The following NALF1 variants were observed in gnomAD, a reference collection of about 807,000 sequenced individuals.
NALF1 encodes the protein family with sequence similarity 155 member A.
NALF1 carries 3 observed loss-of-function variants against 48.4 expected under a neutral mutation model. The observed-to-expected ratio is 0.06, with a 90% CI of 0.03 to 0.16. The LOEUF (loss-of-function observed/expected upper bound fraction) is 0.16, where lower values mean the gene tolerates loss of function less well. Among genes scored for constraint, NALF1 ranks in the 10% least tolerant of loss-of-function variants. The pLI is 1.00. For missense variants in NALF1, 526 were observed against 571.5 expected (o/e 0.92, Z 0.81); for synonymous variants, 262 against 245.7 (o/e 1.07, Z -0.62).
chr13:107,741,411 A>C (rs979013141), intron 1 of NALF1, among the ~76,000 whole-genome samples: 2 of 152,226 alleles, frequency 1.3e-5, no homozygotes, highest in African/African-American at 4.8e-5. Context: ...AAGATATATA[A>C]AGGATAAATG....
intron 1 of NALF1, among the ~76,000 whole-genome samples, chr13:107,418,649 C>A (rs932414828): frequency 6.6e-6 from 1 of 151,962 alleles, no homozygotes; most frequent in Admixed American, 6.6e-5. Flanking sequence ...GATCTCATTG[C>A]CCAGGTAATG....
intron 1 of NALF1, among the ~76,000 whole-genome samples, chr13:107,285,069 C>A (rs1157482446): frequency 1.3e-5 from 2 of 152,100 alleles, no homozygotes; most frequent in African/African-American, 4.8e-5. Context: ...AGCATAGATT[C>A]AATGATTAGG....
chr13:107,864,651 T>C (rs1173377684), intron 1 of NALF1, among the ~76,000 whole-genome samples: 6 of 152,218 alleles, frequency 3.9e-5, no homozygotes, highest in Non-Finnish European at 8.8e-5. Flanking sequence ...CTTATAGAGA[T>C]ACTGTCATTA....
chr13:107,525,375 C>T lies in NALF1; in HGVS notation c.916-314620G>A, dbSNP rs553212788. Among the ~76,000 whole-genome samples, 3 of 152,206 alleles carry T rather than the reference C, an allele frequency of 2.0e-5. No individual in the cohort carries two copies. The East Asian group carries it at 5.8e-4, about 29-fold the overall frequency. On this transcript the variant is annotated intron_variant, in intron 1 of 2. Transcript: ENST00000375915. ...GAAGTGGAGTCATGCAGTTTGTAAC[C>T]TTTTCAGAATGACTTCTTTCACTCA...
chr13:107,556,348 T>TAGAG (rs1322722668), intron 1 of NALF1, among the ~76,000 whole-genome samples: 10 of 147,558 alleles, frequency 6.8e-5, no homozygotes, highest in African/African-American at 1.7e-4. Flanking sequence ...CATATATATA[T>TAGAG]ATAGAGAGAG....
chr13:107,788,836 G>C (rs557532052), intron 1 of NALF1: 1 of 152,170 alleles, frequency 6.6e-6, no homozygotes, highest in East Asian at 1.9e-4. Flanking sequence ...AATTGCTGAA[G>C]GATAGTGGCA....
chr13:107,488,399 T>G (rs1344557573), intron 1 of NALF1, among the ~76,000 whole-genome samples: 1 of 152,076 alleles, frequency 6.6e-6, no homozygotes, highest in African/African-American at 2.4e-5. Context: ...AACTTTTTGA[T>G]GTGGGCATTA....
At chr13:107,494,278 C>T (rs1235565492) in intron 1 of NALF1, among the ~76,000 whole-genome samples, 1 of 152,122 alleles carries the variant, frequency 6.6e-6, no homozygotes, top group Non-Finnish European at 1.5e-5. Flanking sequence ...TAGCTAACAC[C>T]AAAAGGCAGG....
In NALF1 at chr13:107,382,302, G is replaced by A. The variant is rs572841392; in HGVS notation, c.916-171547C>T. ...ATTATGGCTTAAAAGCAAAAATCGT[G>A]TTTGAATAGTTATATAAACAACTCA... On this transcript the variant is annotated intron_variant, in intron 1 of 2. Transcript: ENST00000375915. Among the ~76,000 whole-genome samples, 188 of 152,250 alleles carry A rather than the reference G, an allele frequency of 1.2e-3. 3 individuals carry two copies. Among genetic ancestry groups the A allele is most frequent in the Non-Finnish European group, 1.9e-4 (13 of 68,012 alleles).
intron 1 of NALF1, among the ~76,000 whole-genome samples, chr13:107,854,859 G>A (rs1880403757): frequency 7.1e-6 from 1 of 141,186 alleles, no homozygotes; most frequent in East Asian, 2.1e-4. Flanking sequence ...GGCGACACAG[G>A]TTCCATCTCA....
At chr13:107,501,178 C>T (rs1875509557) in intron 1 of NALF1, among the ~76,000 whole-genome samples, 1 of 152,064 alleles carries the variant, frequency 6.6e-6, no homozygotes, top group South Asian at 2.1e-4. Context: ...CATGGCCTCA[C>T]ATGGCAGAAC....
At chr13:107,810,673 C>G (rs1381728016) in intron 1 of NALF1, among the ~76,000 whole-genome samples, 1 of 152,086 alleles carries the variant, frequency 6.6e-6, no homozygotes, top group Non-Finnish European at 1.5e-5. Context: ...ATAACCCAAG[C>G]TAAGCCATCA....
chr13:107,728,552 G>C (rs540451308), intron 1 of NALF1, among the ~76,000 whole-genome samples: 3 of 151,938 alleles, frequency 2.0e-5, no homozygotes, highest in Non-Finnish European at 4.4e-5. Flanking sequence ...GGAAAGGGGA[G>C]GGACAGCATT....
At chr13:107,740,587 T>A (rs1446606420) in intron 1 of NALF1, among the ~76,000 whole-genome samples, 1 of 152,184 alleles carries the variant, frequency 6.6e-6, no homozygotes, top group East Asian at 1.9e-4. Flanking sequence ...AATAAACACA[T>A]GTAACAGAAA....
At chr13:107,808,989 G>A (rs1170229783) in intron 1 of NALF1, among the ~76,000 whole-genome samples, 1 of 151,994 alleles carries the variant, frequency 6.6e-6, no homozygotes, top group African/African-American at 2.4e-5. Context: ...CTTGTTTTCT[G>A]AAATCATAAA....
chr13:107,220,571 G>A (rs751499342), intron 1 of NALF1, among the ~76,000 whole-genome samples: 1 of 152,174 alleles, frequency 6.6e-6, no homozygotes, highest in Non-Finnish European at 1.5e-5. Context: ...TTCACTGAGA[G>A]CCAACTTTGG....
intron 1 of NALF1, among the ~76,000 whole-genome samples, chr13:107,256,817 A>T (rs1422232506): frequency 6.6e-6 from 1 of 152,224 alleles, no homozygotes; most frequent in Non-Finnish European, 1.5e-5. Context: ...GGAATTAACC[A>T]TAAAGATTAT....
intron 1 of NALF1, among the ~76,000 whole-genome samples, chr13:107,471,281 C>A (rs889516858): frequency 6.6e-6 from 1 of 151,464 alleles, no homozygotes. Flanking sequence ...TTCTAAAATG[C>A]TAATTTATCT....
At chr13:107,659,015 T>G (rs1424399040) in intron 1 of NALF1, among the ~76,000 whole-genome samples, 1 of 151,874 alleles carries the variant, frequency 6.6e-6, no homozygotes, top group African/African-American at 2.4e-5. Flanking sequence ...TAGTTACCCA[T>G]GTGCACCATT....
Sources: gnomAD v4.1 joint callset for allele counts (sites outside exome capture counted in the v4.1 genomes callset) on GRCh38, gnomAD v4.1.1 for gene constraint, MANE v1.5 for transcripts, NCBI Gene and HGNC (gene_info 2026-07-23, HGNC 2026-07-21) for gene names.